Variants in BRAF observed in about 807,000 individuals in gnomAD.
BRAF encodes the protein B-Raf proto-oncogene, serine/threonine kinase.
BRAF carries 16 observed loss-of-function variants against 104.6 expected under a neutral mutation model. That is an observed-to-expected ratio of 0.15 (90% CI 0.10 to 0.23). The LOEUF (loss-of-function observed/expected upper bound fraction) is 0.23. Ranked by LOEUF, BRAF falls within the 10% of genes least tolerant of loss-of-function variation. The pLI, the probability that BRAF is intolerant of heterozygous loss-of-function variation, is 1.00. For missense variants in BRAF, 541 were observed against 937.3 expected (o/e 0.58, Z 5.52); for synonymous variants, 310 against 341.6 (o/e 0.91, Z 1.02).
At chr7:140,715,498 A>AATC (rs1386090520), downstream of BRAF, among the ~76,000 whole-genome samples, 3 of 152,216 alleles carry the variant, frequency 2.0e-5, no homozygotes, top group African/African-American at 4.8e-5. Flanking sequence ...GAAAGAATAC[A>AATC]ATCTACAACA....
chr7:140,913,649 A>G (rs1817268026), intron 1 of BRAF, among the ~76,000 whole-genome samples: 1 of 151,694 alleles, frequency 6.6e-6, no homozygotes, highest in Non-Finnish European at 1.5e-5. Flanking sequence ...GGCCCAGCTA[A>G]TTTTTTGTAT....
chr7:140,780,641 C>T (rs1310447976), intron 12 of BRAF: 7 of 152,146 alleles, frequency 4.6e-5, no homozygotes. Context: ...ATACCAAAGA[C>T]ACCTTTCTAC....
chr7:140,781,809 G>GA, intron 11 of BRAF, 116 bp from the exon 11 acceptor site: 1 of 818,610 alleles, frequency 1.2e-6, no homozygotes, highest in Non-Finnish European at 2.1e-6. Context: ...ATCCCCTTAA[G>GA]AAAAATTCTC....
At chr7:140,863,060 A>T (rs1487069244) in intron 1 of BRAF, among the ~76,000 whole-genome samples, 1 of 152,152 alleles carries the variant, frequency 6.6e-6, no homozygotes, top group African/African-American at 2.4e-5. Context: ...ATCTGAAAAC[A>T]TTTCTATCTT....
chr7:140,924,566 C>T lies in BRAF; in HGVS notation c.138G>A (p.Glu46=). 1.3e-6 allele frequency: 2 copies of T among 1,532,510 alleles called. No individual in the cohort carries two copies. The highest frequency in any genetic ancestry group is 1.7e-6 in the Non-Finnish European group (2 of 1,145,644). 94.9% of individuals were successfully genotyped at this position (1,532,510 alleles called of 1,614,324 possible). A position where few individuals can be genotyped will look rare whatever the true frequency, so the allele number is the denominator to read the frequency against. ...SSAADPAIPE[E]VWNIKQMIKL... is the part of the protein sequence containing the mutation. ...GCGGCAGGGTGGCGCCAGCACTCACCTCCTCCGGAATGGCAGGGTCCGCAG... is the reference window on the plus strand; with the variant it reads ...GCGGCAGGGTGGCGCCAGCACTCACTTCCTCCGGAATGGCAGGGTCCGCAG... Residue 46 remains glutamate (E), a splice_region_variant and synonymous_variant, in exon 1 of 20, where the codon GAG becomes GAA. Coordinates refer to ENST00000644969, the MANE Select transcript of BRAF (RefSeq NM_001374258.1). This position sits in a 1 kb window ranked among gnomAD's most constrained non-coding sequence, Gnocchi z 4.2.
chr7:140,824,617 G>A (rs184984954), intron 3 of BRAF, among the ~76,000 whole-genome samples: 6 of 151,428 alleles, frequency 4.0e-5, no homozygotes, highest in Admixed American at 2.6e-4. Flanking sequence ...CTTGAGATAC[G>A]GTATGAATTT....
intron 1 of BRAF, among the ~76,000 whole-genome samples, chr7:140,852,596 C>A (rs1809303142): frequency 6.6e-6 from 1 of 152,040 alleles, no homozygotes; most frequent in African/African-American, 2.4e-5. Context: ...TTCATATCTC[C>A]AAAAAGTGTC....
At chr7:140,753,969 A>G (rs746849192) in intron 15 of BRAF, 67 of 586,952 alleles carry the variant, frequency 1.1e-4, no homozygotes, top group Middle Eastern at 4.6e-4. Flanking sequence ...TATTGTAAAG[A>G]CTTCTGATAG....
intron 1 of BRAF, among the ~76,000 whole-genome samples, chr7:140,903,932 G>T (rs1262896105): frequency 6.6e-6 from 1 of 152,198 alleles, no homozygotes; most frequent in Non-Finnish European, 1.5e-5. Flanking sequence ...GATGAAATTT[G>T]AACAAATGGG....
chr7:140,867,580 CAG>C (rs893946355), intron 1 of BRAF, among the ~76,000 whole-genome samples: 2 of 149,850 alleles, frequency 1.3e-5, no homozygotes, highest in African/African-American at 4.9e-5. Context: ...TAGAGAAAAA[CAG>C]AGACTGTGAG....
chr7:140,744,944 A>T (rs1282601258), intron 17 of BRAF, among the ~76,000 whole-genome samples: 3 of 152,136 alleles, frequency 2.0e-5, no homozygotes, highest in Non-Finnish European at 4.4e-5. Flanking sequence ...ATTTATATAC[A>T]TACTTTTATT....
chr7:140,906,701 A>C (rs1816366198), intron 1 of BRAF, among the ~76,000 whole-genome samples: 1 of 152,196 alleles, frequency 6.6e-6, no homozygotes, highest in South Asian at 2.1e-4. Flanking sequence ...CTCATTGTAG[A>C]GGGATAATTC....
chr7:140,748,559 T>C (rs1309028944), intron 17 of BRAF, among the ~76,000 whole-genome samples: 1 of 152,144 alleles, frequency 6.6e-6, no homozygotes, highest in Non-Finnish European at 1.5e-5. Context: ...TTCTAATATA[T>C]TAACAGTGTA....
At chr7:140,844,447 T>C (rs1241286389) in intron 2 of BRAF, among the ~76,000 whole-genome samples, 1 of 152,222 alleles carries the variant, frequency 6.6e-6, no homozygotes, top group Non-Finnish European at 1.5e-5. Flanking sequence ...CTGTTGACCA[T>C]TTCTGCTGCT....
intron 1 of BRAF, among the ~76,000 whole-genome samples, chr7:140,923,984 G>C (rs145862578): frequency 6.6e-6 from 1 of 152,196 alleles, no homozygotes; most frequent in Non-Finnish European, 1.5e-5. Flanking sequence ...GATTGAAAAA[G>C]TAAAGACTAA....
intron 1 of BRAF, among the ~76,000 whole-genome samples, chr7:140,850,538 C>G: frequency 6.6e-6 from 1 of 152,154 alleles, no homozygotes; most frequent in East Asian, 1.9e-4. Flanking sequence ...GGTGAGCAGC[C>G]TTCCATGTCT....
chr7:140,869,228 T>C (rs961259126), intron 1 of BRAF, among the ~76,000 whole-genome samples: 4 of 152,096 alleles, frequency 2.6e-5, no homozygotes, highest in Non-Finnish European at 1.5e-5. Flanking sequence ...AGTTTGGAAG[T>C]TGACAGAAAT....
intron 16 of BRAF, among the ~76,000 whole-genome samples, chr7:140,750,139 A>C (rs115288827): frequency 3.0e-4 from 46 of 152,358 alleles, no homozygotes; most frequent in African/African-American, 1.1e-3. Flanking sequence ...GAAATACAAT[A>C]AACAGTTGGT....
intron 1 of BRAF, among the ~76,000 whole-genome samples, chr7:140,909,854 G>A (rs1816781772): frequency 6.6e-6 from 1 of 151,226 alleles, no homozygotes; most frequent in African/African-American, 2.4e-5. Context: ...ACAAAAAAGT[G>A]CCTCATACAC....
Sources: allele counts gnomAD v4.1 joint callset (sites outside exome capture counted in the v4.1 genomes callset), GRCh38; gene constraint gnomAD v4.1.1; non-coding constraint Gnocchi (gnomAD v3.1); transcripts MANE v1.5; gene names NCBI Gene and HGNC (gene_info 2026-07-23, HGNC 2026-07-21).